Variants in PLA2G2C observed in about 807,000 individuals in gnomAD.
PLA2G2C encodes the protein phospholipase A2 group IIC.
PLA2G2C carries 15 observed loss-of-function variants against 14.3 expected under a neutral mutation model. That is an observed-to-expected ratio of 1.05 (90% confidence interval 0.70 to 1.62). The LOEUF (loss-of-function observed/expected upper bound fraction) is 1.62. Among genes scored for constraint, PLA2G2C ranks in the 40% most tolerant of loss-of-function variants. PLA2G2C has a pLI of 0.00. For missense variants in PLA2G2C, 162 were observed against 173.2 expected (o/e 0.94, Z 0.36); for synonymous variants, 79 against 67.7 (o/e 1.17, Z -0.82).
intron 4 of PLA2G2C, among the ~76,000 whole-genome samples, chr1:20,170,732 A>G (rs902365816): frequency 1.0e-5 from 1 of 95,648 alleles, no homozygotes; most frequent in Non-Finnish European, 2.2e-5. Flanking sequence ...CTGATGCGGA[A>G]GCCTCCTCCC....
At chr1:20,183,045 G>A (rs2018299520) in intron 1 of PLA2G2C, among the ~76,000 whole-genome samples, 1 of 152,208 alleles carries the variant, frequency 6.6e-6, no homozygotes, top group South Asian at 2.1e-4. Context: ...GGACAAGGCA[G>A]GGGATTCCGA....
intron 3 of PLA2G2C, among the ~76,000 whole-genome samples, chr1:20,173,985 G>A (rs1425068199): frequency 6.6e-6 from 1 of 152,088 alleles, no homozygotes; most frequent in Non-Finnish European, 1.5e-5. Flanking sequence ...AAGCTGCATT[G>A]CCTTTAGGAG....
intron 2 of PLA2G2C, among the ~76,000 whole-genome samples, chr1:20,176,244 G>A (rs1022248392): frequency 1.3e-5 from 2 of 152,080 alleles, no homozygotes; most frequent in African/African-American, 2.4e-5. Context: ...TCCTATTATG[G>A]TGTTTTGAAT....
At chr1:20,173,393 C>T (rs1237382289) in intron 3 of PLA2G2C, among the ~76,000 whole-genome samples, 1 of 152,194 alleles carries the variant, frequency 6.6e-6, no homozygotes, top group Non-Finnish European at 1.5e-5. Flanking sequence ...CTGTTGCTAT[C>T]TCATTAGCTA....
chr1:20,173,269 T>C (rs556364982), intron 3 of PLA2G2C, among the ~76,000 whole-genome samples: 4 of 152,086 alleles, frequency 2.6e-5, no homozygotes, highest in Admixed American at 2.0e-4. Context: ...TGAGCTCTGA[T>C]TGAGCCTCTC....
intron 4 of PLA2G2C, among the ~76,000 whole-genome samples, chr1:20,168,686 C>T (rs958011152): frequency 5.3e-5 from 8 of 152,200 alleles, no homozygotes; most frequent in East Asian, 1.9e-4. Context: ...AGTCAGAGGC[C>T]GGGAGATGCA....
At chr1:20,185,569 C>T (rs2018357758) in intron 1 of PLA2G2C, among the ~76,000 whole-genome samples, 1 of 152,070 alleles carries the variant, frequency 6.6e-6, no homozygotes, top group African/African-American at 2.4e-5. Flanking sequence ...CCAGTGTGGC[C>T]CCGGAGTGGG....
chr1:20,172,120 C>T (rs1475540685), intron 4 of PLA2G2C, among the ~76,000 whole-genome samples: 2 of 152,136 alleles, frequency 1.3e-5, no homozygotes, highest in African/African-American at 4.8e-5. Flanking sequence ...CCCCAGGATC[C>T]ACCCTGGCTA....
intron 1 of PLA2G2C, among the ~76,000 whole-genome samples, chr1:20,182,928 G>A (rs2018297701): frequency 6.6e-6 from 1 of 152,226 alleles, no homozygotes; most frequent in Non-Finnish European, 1.5e-5. Context: ...TATGGTTGGG[G>A]AGGATACCAG....
chr1:20,164,505 G>C (rs183810643), intron 4 of PLA2G2C, among the ~76,000 whole-genome samples: 1 of 152,152 alleles, frequency 6.6e-6, no homozygotes, highest in African/African-American at 2.4e-5. Context: ...GGCATCCCAC[G>C]AGTGCTGGAG....
chr1:20,171,368 C>T (rs1364586737), intron 4 of PLA2G2C, among the ~76,000 whole-genome samples: 6 of 152,224 alleles, frequency 3.9e-5, no homozygotes, highest in South Asian at 2.1e-4. Context: ...CTGTCAACCA[C>T]GTGCTGGTGG....
intron 3 of PLA2G2C, among the ~76,000 whole-genome samples, chr1:20,173,418 T>C (rs756205704): frequency 2.0e-5 from 3 of 152,214 alleles, no homozygotes; most frequent in Non-Finnish European, 4.4e-5. Flanking sequence ...TAGAAACCTA[T>C]AAAGTACAAT....
At chr1:20,180,073 CCT>C (rs965951944) in intron 1 of PLA2G2C, among the ~76,000 whole-genome samples, 12 of 151,834 alleles carry the variant, frequency 7.9e-5, no homozygotes, top group Non-Finnish European at 1.8e-4. Flanking sequence ...TCAGCTTCTC[CCT>C]CTGTTCCAGC....
chr1:20,164,205 G>A (rs747005967), intron 4 of PLA2G2C, 48 bp from the exon 5 acceptor site: 1 of 1,574,656 alleles, frequency 6.4e-7, no homozygotes, highest in Non-Finnish European at 8.6e-7. Context: ...CAGCCCCAGG[G>A]TTTGGTTCTA....
intron 4 of PLA2G2C, among the ~76,000 whole-genome samples, chr1:20,168,352 G>T (rs113779055): frequency 4.4e-4 from 67 of 152,348 alleles, no homozygotes; most frequent in African/African-American, 1.6e-3. Context: ...GGGCACAGGT[G>T]CAAGCCAGCA....
intron 3 of PLA2G2C, among the ~76,000 whole-genome samples, chr1:20,173,354 A>G (rs2100718593): frequency 1.3e-5 from 2 of 152,166 alleles, no homozygotes; most frequent in South Asian, 4.2e-4. Context: ...AATAATAACC[A>G]GTAGCATTTC....
intron 1 of PLA2G2C, among the ~76,000 whole-genome samples, chr1:20,185,162 A>C (rs1367923372): frequency 6.6e-6 from 1 of 151,822 alleles, no homozygotes; most frequent in Non-Finnish European, 1.5e-5. Context: ...AAAAAGAAGA[A>C]AGGAGGGAGA....
intron 4 of PLA2G2C, 117 bp from the exon 5 acceptor site, chr1:20,164,274 AGC>A (rs1391523325): frequency 6.9e-6 from 7 of 1,009,312 alleles, no homozygotes; most frequent in Non-Finnish European, 9.9e-6. Flanking sequence ...CAGAAAGGAA[AGC>A]CACTGAAAGG....
intron 4 of PLA2G2C, among the ~76,000 whole-genome samples, chr1:20,170,849 C>A (rs951899662): frequency 7.1e-6 from 1 of 141,688 alleles, no homozygotes; most frequent in Admixed American, 6.9e-5. Flanking sequence ...AAAGTACAGC[C>A]CAGGCCACGT....
Sources: gnomAD v4.1 joint callset for allele counts (sites outside exome capture counted in the v4.1 genomes callset) on GRCh38, gnomAD v4.1.1 for gene constraint, MANE v1.5 for transcripts, NCBI Gene and HGNC (gene_info 2026-07-23, HGNC 2026-07-21) for gene names.